HS3ST4: variants seen among roughly 807,000 people sequenced by gnomAD.
HS3ST4 encodes heparan sulfate glucosamine 3-O-sulfotransferase 4.
HS3ST4 carries 17 observed loss-of-function variants against 29.2 expected under a neutral mutation model. That is an observed-to-expected ratio of 0.58 (90% CI 0.40 to 0.87). The LOEUF is 0.87. HS3ST4 is among the 40% of genes least tolerant of loss of function. The pLI is 0.00. For synonymous variants in HS3ST4, 314 were observed against 285.7 expected, an observed-to-expected ratio of 1.10 and a Z score of -1.00; for missense variants, 627 against 634.5, an observed-to-expected ratio of 0.99 and a Z score of 0.13.
intron 1 of HS3ST4, among the ~76,000 whole-genome samples, chr16:25,760,805 T>C (rs1308761090): frequency 6.6e-6 from 1 of 152,200 alleles, no homozygotes; most frequent in African/African-American, 2.4e-5. Context: ...GGGTTAGGAC[T>C]TCAACATACA....
chr16:25,695,741 C>T (rs571085357), intron 1 of HS3ST4, among the ~76,000 whole-genome samples: 1 of 152,316 alleles, frequency 6.6e-6, no homozygotes, highest in South Asian at 2.1e-4. Flanking sequence ...CTTCCTATAA[C>T]AGGTATGCTA....
intron 1 of HS3ST4, among the ~76,000 whole-genome samples, chr16:26,000,807 A>C (rs1969205417): frequency 6.6e-6 from 1 of 152,206 alleles, no homozygotes; most frequent in South Asian, 2.1e-4. Context: ...TACTCTGAGA[A>C]GGACAGGGTA....
chr16:25,760,348 C>T (rs1427950302), intron 1 of HS3ST4, among the ~76,000 whole-genome samples: 1 of 151,738 alleles, frequency 6.6e-6, no homozygotes, highest in Non-Finnish European at 1.5e-5. Flanking sequence ...ATCCATTGGT[C>T]TGTATTTTCT....
chr16:26,013,851 T>C (rs1180685347), intron 1 of HS3ST4, among the ~76,000 whole-genome samples: 2 of 151,762 alleles, frequency 1.3e-5, no homozygotes, highest in Middle Eastern at 3.4e-3. Flanking sequence ...CTACTAAAAA[T>C]ACAAAAAAAT....
chr16:25,695,054 G>C (rs912565407), intron 1 of HS3ST4, among the ~76,000 whole-genome samples: 1 of 152,226 alleles, frequency 6.6e-6, no homozygotes, highest in Non-Finnish European at 1.5e-5. Flanking sequence ...GTTAGGAAGA[G>C]AAGGTATAGA....
At chr16:25,713,754 G>A (rs1303814861) in intron 1 of HS3ST4, among the ~76,000 whole-genome samples, 1 of 152,138 alleles carries the variant, frequency 6.6e-6, no homozygotes. Context: ...TTGAGTTCTT[G>A]CTGGCTAGCA....
At chr16:25,697,752 A>G (rs1302859391) in intron 1 of HS3ST4, among the ~76,000 whole-genome samples, 1 of 151,894 alleles carries the variant, frequency 6.6e-6, no homozygotes, top group Non-Finnish European at 1.5e-5. Flanking sequence ...GCTGGAGTGC[A>G]GTGGTGTGAT....
intron 1 of HS3ST4, among the ~76,000 whole-genome samples, chr16:25,760,134 C>G (rs552084756): frequency 6.6e-6 from 1 of 152,196 alleles, no homozygotes; most frequent in South Asian, 2.1e-4. Flanking sequence ...AACCCTAACT[C>G]TAACCCTAAC....
intron 1 of HS3ST4, among the ~76,000 whole-genome samples, chr16:25,996,095 G>T (rs1969156850): frequency 6.6e-6 from 1 of 151,824 alleles, no homozygotes; most frequent in Non-Finnish European, 1.5e-5. Flanking sequence ...CCTTGGCTTA[G>T]AACTAGCAAA....
At chr16:25,697,800 G>A (rs770055047) in intron 1 of HS3ST4, among the ~76,000 whole-genome samples, 1 of 152,112 alleles carries the variant, frequency 6.6e-6, no homozygotes, top group African/African-American at 2.4e-5. Context: ...AGCCTCCTGA[G>A]TAGCTGGGAC....
At chr16:25,821,472 A>G (rs902745771) in intron 1 of HS3ST4, among the ~76,000 whole-genome samples, 1 of 152,118 alleles carries the variant, frequency 6.6e-6, no homozygotes, top group African/African-American at 2.4e-5. Context: ...TTCACATAGT[A>G]ATATTCCTAG....
chr16:25,714,304 A>G (rs1042270283), intron 1 of HS3ST4, among the ~76,000 whole-genome samples: 1 of 152,184 alleles, frequency 6.6e-6, no homozygotes, highest in Non-Finnish European at 1.5e-5. Flanking sequence ...CACTGCTTAG[A>G]GCCGGCTGTG....
rs117026746 is a variant in HS3ST4, at chr16:26,078,847, C to T, written c.735-56765C>T. Among the ~76,000 whole-genome samples, 199 of 152,288 alleles carry T rather than the reference C, an allele frequency of 1.3e-3. 1 individual carries two copies. The East Asian group carries it at 0.033, about 26-fold the overall frequency. On this transcript the variant is annotated intron_variant, in intron 1 of 1. Transcript: ENST00000331351. ...TGCTGTATTTCCCTTGAAAATTCCA[C>T]GGCTGAATGAATCTCTAACAGGTCA...
intron 1 of HS3ST4, among the ~76,000 whole-genome samples, chr16:25,831,274 G>A (rs571744733): frequency 2.0e-4 from 30 of 152,118 alleles, no homozygotes; most frequent in African/African-American, 7.0e-4. Flanking sequence ...TCACTTACTT[G>A]CATACTGACC....
At chr16:25,983,295 G>GC (rs80022161) in intron 1 of HS3ST4, among the ~76,000 whole-genome samples, 11,893 of 152,136 alleles carry the variant, frequency 0.078, 989 homozygotes, top group East Asian at 0.37. Context: ...AGGTAGAAGA[G>GC]CCCCCCTTGC....
intron 1 of HS3ST4, among the ~76,000 whole-genome samples, chr16:25,712,230 G>C (rs1160143414): frequency 6.6e-6 from 1 of 152,082 alleles, no homozygotes; most frequent in East Asian, 1.9e-4. Flanking sequence ...AGGTAAAGAA[G>C]GAAACAAAAG....
At chr16:25,896,097 C>A (rs7203081) in intron 1 of HS3ST4, among the ~76,000 whole-genome samples, 34,001 of 151,942 alleles carry the variant, frequency 0.22, 4,366 homozygotes, top group African/African-American at 0.36. Flanking sequence ...CTCTTCTTAA[C>A]GATTCTCCTG....
chr16:26,056,312 T>C (rs900220732), intron 1 of HS3ST4, among the ~76,000 whole-genome samples: 12 of 152,174 alleles, frequency 7.9e-5, no homozygotes, highest in African/African-American at 2.4e-4. Context: ...CAAAAAACCA[T>C]TGGTGCAAGA....
chr16:25,872,652 A>G (rs931273372), intron 1 of HS3ST4, among the ~76,000 whole-genome samples: 5 of 152,200 alleles, frequency 3.3e-5, no homozygotes, highest in African/African-American at 1.2e-4. Flanking sequence ...CTAGCCCTAA[A>G]ATGCAAGCAC....
Sources: allele counts gnomAD v4.1 joint callset (sites outside exome capture counted in the v4.1 genomes callset), GRCh38; gene constraint gnomAD v4.1.1; transcripts MANE v1.5; gene names NCBI Gene and HGNC (gene_info 2026-07-23, HGNC 2026-07-21).